Variants in VPS13B observed in about 807,000 individuals in gnomAD.
VPS13B encodes the protein intermembrane lipid transfer protein VPS13B.
In VPS13B, 285 loss-of-function variants were observed where a neutral mutation model predicts 426.4. That is an observed-to-expected ratio of 0.67 (90% confidence interval 0.61 to 0.74). The LOEUF is 0.74. VPS13B is among the 30% of genes least tolerant of loss of function. The pLI is 0.00. For synonymous variants in VPS13B, 1,676 were observed against 1,676.4 expected (o/e 1.00, Z 0.01); for missense variants, 4,537 against 4,782.6 (o/e 0.95, Z 1.51).
chr8:99,123,768 T>TGATCCAAG (rs965743280), intron 8 of VPS13B, among the ~76,000 whole-genome samples: 3 of 152,080 alleles, frequency 2.0e-5, no homozygotes, highest in African/African-American at 7.2e-5. Context: ...AAAAAAAAGA[T>TGATCCAAG]GATCCAAGGA....
intron 24 of VPS13B, among the ~76,000 whole-genome samples, chr8:99,478,447 G>GTTTTTTTTTTTTTTTTTGTTTTTTT (rs1819826219): frequency 1.2e-5 from 1 of 85,778 alleles, no homozygotes; most frequent in Non-Finnish European, 2.1e-5. Context: ...TTTTTGTTTT[G>GTTTTTTTTTTTTTTTTTGTTTTTTT]TTTTTTTTTT....
chr8:99,624,967 G>A (rs377518096), intron 33 of VPS13B, among the ~76,000 whole-genome samples: 5 of 151,900 alleles, frequency 3.3e-5, no homozygotes, highest in African/African-American at 9.7e-5. Flanking sequence ...ACAAGCATGC[G>A]CCACCATGCC....
intron 15 of VPS13B, among the ~76,000 whole-genome samples, chr8:99,161,638 C>T (rs1437369280): frequency 2.6e-5 from 4 of 151,448 alleles, no homozygotes; most frequent in African/African-American, 7.3e-5. Context: ...ATAATGGATA[C>T]GTTTAATGTC....
chr8:99,830,897 AC>A (rs768090549), intron 51 of VPS13B, among the ~76,000 whole-genome samples: 11 of 151,492 alleles, frequency 7.3e-5, no homozygotes, highest in Non-Finnish European at 1.6e-4. Context: ...GCGACACCCC[AC>A]CCTGCTTCTG....
At chr8:99,024,505 A>G (rs182463495) in intron 2 of VPS13B, among the ~76,000 whole-genome samples, 1 of 151,946 alleles carries the variant, frequency 6.6e-6, no homozygotes, top group Non-Finnish European at 1.5e-5. Context: ...ATCTAGTGTC[A>G]CTCTTTTGCT....
At chr8:99,869,874 C>T (rs1265057987) in intron 59 of VPS13B, among the ~76,000 whole-genome samples, 1 of 152,214 alleles carries the variant, frequency 6.6e-6, no homozygotes, top group Non-Finnish European at 1.5e-5. Context: ...TTTACAAGCC[C>T]TCAGAAAGCA....
At chr8:99,742,819 C>T (rs560347549) in intron 39 of VPS13B, among the ~76,000 whole-genome samples, 21 of 152,240 alleles carry the variant, frequency 1.4e-4, no homozygotes, top group African/African-American at 4.8e-4. Flanking sequence ...ATTGATGGGA[C>T]GTATCTCAAA....
chr8:99,271,570 C>T (rs192547437), intron 17 of VPS13B, among the ~76,000 whole-genome samples: 8 of 152,214 alleles, frequency 5.3e-5, no homozygotes, highest in African/African-American at 1.7e-4. Flanking sequence ...AGTATTAGTC[C>T]GTTCGCATAC....
intron 21 of VPS13B, 67 bp downstream of exon 21, chr8:99,391,771 A>G (rs942191872): frequency 6.4e-7 from 1 of 1,573,972 alleles, no homozygotes; most frequent in African/African-American, 1.3e-5. Context: ...GTTAGCATCC[A>G]CAATTTCATG....
At chr8:99,063,098 C>T (rs1448565340) in intron 3 of VPS13B, among the ~76,000 whole-genome samples, 1 of 152,108 alleles carries the variant, frequency 6.6e-6, no homozygotes, top group Non-Finnish European at 1.5e-5. Flanking sequence ...CATAAATTGA[C>T]TCTTCCAAGA....
At chr8:99,360,339 A>G (rs548419458) in intron 19 of VPS13B, among the ~76,000 whole-genome samples, 2 of 145,648 alleles carry the variant, frequency 1.4e-5, no homozygotes, top group East Asian at 4.1e-4. Context: ...GTGCAGTGGC[A>G]CGATCTCAGC....
At chr8:99,581,868 TC>T (rs1241886580) in intron 33 of VPS13B, among the ~76,000 whole-genome samples, 1 of 152,244 alleles carries the variant, frequency 6.6e-6, no homozygotes, top group Non-Finnish European at 1.5e-5. Flanking sequence ...CTTATCTAGC[TC>T]GCTGCGATAG....
chr8:99,340,541 G>T, intron 19 of VPS13B: 2 of 472,898 alleles, frequency 4.2e-6, no homozygotes, highest in South Asian at 1.7e-5. Flanking sequence ...AGGGGGTGGA[G>T]GTGTCTGGTC....
At chr8:99,634,069 A>T (rs1828972516) in intron 33 of VPS13B, among the ~76,000 whole-genome samples, 1 of 151,952 alleles carries the variant, frequency 6.6e-6, no homozygotes, top group South Asian at 2.1e-4. Context: ...ATGAACTTAG[A>T]AGTCCCTGAA....
intron 43 of VPS13B, among the ~76,000 whole-genome samples, chr8:99,798,875 T>C (rs1812992728): frequency 6.6e-6 from 1 of 152,188 alleles, no homozygotes; most frequent in Non-Finnish European, 1.5e-5. Context: ...TACAGAGTAC[T>C]TGGAGAAAGG....
chr8:99,214,032 A>G (rs921502144), intron 17 of VPS13B, among the ~76,000 whole-genome samples: 2 of 152,114 alleles, frequency 1.3e-5, no homozygotes, highest in Non-Finnish European at 2.9e-5. Context: ...TTAAAAAGTT[A>G]TTATTCATTA....
intron 30 of VPS13B, among the ~76,000 whole-genome samples, chr8:99,538,550 T>C (rs563634100): frequency 6.6e-6 from 1 of 152,136 alleles, no homozygotes; most frequent in Non-Finnish European, 1.5e-5. Flanking sequence ...TGAGGGTTGT[T>C]TATTTGAAGA....
chr8:99,073,751 T>C (rs1352382762), intron 3 of VPS13B, among the ~76,000 whole-genome samples: 1 of 146,148 alleles, frequency 6.8e-6, no homozygotes, highest in Non-Finnish European at 1.5e-5. Flanking sequence ...CTTTTCTTTC[T>C]TTTATTTTTT....
At chr8:99,489,106 A>C (rs925233838) in intron 25 of VPS13B, among the ~76,000 whole-genome samples, 4 of 152,182 alleles carry the variant, frequency 2.6e-5, no homozygotes, top group Non-Finnish European at 5.9e-5. Flanking sequence ...ACATATGGCT[A>C]GCCAGTTTTC....
Sources: gnomAD v4.1 joint callset for allele counts (sites outside exome capture counted in the v4.1 genomes callset) on GRCh38, gnomAD v4.1.1 for gene constraint, MANE v1.5 for transcripts, NCBI Gene and HGNC (gene_info 2026-07-23, HGNC 2026-07-21) for gene names.